The following SRRM3 variants were observed in gnomAD, a reference collection of about 807,000 sequenced individuals.
The protein encoded by SRRM3 is serine/arginine repetitive matrix protein 3.
SRRM3 carries 27 observed loss-of-function variants against 66.2 expected under a neutral mutation model. The observed-to-expected ratio is 0.41, with a 90% CI of 0.30 to 0.56. The LOEUF (loss-of-function observed/expected upper bound fraction) is 0.56, where lower values mean the gene tolerates loss of function less well. SRRM3 is among the 20% of genes least tolerant of loss of function. The pLI, the probability that SRRM3 is intolerant of heterozygous loss-of-function variation, is 0.32. For synonymous variants in SRRM3, 391 were observed against 414.9 expected (o/e 0.94, Z 0.70); for missense variants, 918 against 991.9 (o/e 0.93, Z 1.00).
In SRRM3 at chr7:76,264,821, C is replaced by T. The variant is rs1554609256; in HGVS notation, c.725+6C>T. The T allele has an allele frequency of 3.7e-6, 6 of 1,613,326 alleles. No individual in the cohort carries two copies. The highest frequency in any genetic ancestry group is 2.2e-5 in the East Asian group (1 of 44,892). ...AAGAACAAAGAGAAGAAGAGGTAAG[C>T]GCCCTCCCTACTCTCCAGCCCCCCA... On this transcript the variant is annotated splice_donor_region_variant and intron_variant, in intron 9 of 14. Coordinates refer to ENST00000611745, the MANE Select transcript of SRRM3 (RefSeq NM_001110199.3).
At chr7:76,256,293 G>A (rs1801709345) in intron 3 of SRRM3, among the ~76,000 whole-genome samples, 1 of 152,150 alleles carries the variant, frequency 6.6e-6, no homozygotes. Context: ...GATCACCTGA[G>A]GTCAGGAGTT....
At chr7:76,247,931 G>A (rs2117026184) in intron 2 of SRRM3, among the ~76,000 whole-genome samples, 1 of 152,320 alleles carries the variant, frequency 6.6e-6, no homozygotes, top group African/African-American at 2.4e-5. Flanking sequence ...CTGAGCTCAG[G>A]TGATCTGCCT....
intron 1 of SRRM3, among the ~76,000 whole-genome samples, chr7:76,205,982 G>T (rs1436454989): frequency 1.3e-5 from 2 of 151,572 alleles, no homozygotes; most frequent in African/African-American, 2.4e-5. Context: ...GGGCCTTCGT[G>T]GGTGGGGGGT....
intron 1 of SRRM3, among the ~76,000 whole-genome samples, chr7:76,212,670 T>C (rs927963325): frequency 1.3e-5 from 2 of 151,758 alleles, no homozygotes; most frequent in Non-Finnish European, 2.9e-5. Flanking sequence ...GGTTTTGCCA[T>C]GTTGGCCAGG....
intron 1 of SRRM3, among the ~76,000 whole-genome samples, chr7:76,206,192 G>C (rs1434118549): frequency 6.6e-6 from 1 of 152,182 alleles, no homozygotes; most frequent in Non-Finnish European, 1.5e-5. Flanking sequence ...ATTTCTTTTA[G>C]AGATGGGGTC....
intron 3 of SRRM3, among the ~76,000 whole-genome samples, chr7:76,251,400 A>C (rs757249889): frequency 5.6e-4 from 82 of 145,688 alleles, no homozygotes; most frequent in Non-Finnish European, 8.5e-4. Context: ...TTTGAGACGG[A>C]GTCTCGCTCT....
At chr7:76,233,006 G>A (rs1239886387) in intron 1 of SRRM3, among the ~76,000 whole-genome samples, 2 of 151,958 alleles carry the variant, frequency 1.3e-5, no homozygotes, top group Non-Finnish European at 2.9e-5. Context: ...GAGCGATGTT[G>A]AGAAGAAGGG....
Position 76,285,836 on chromosome 7 carries a change from G to C in SRRM3, c.1955G>C (p.Gly652Ala). 1 of 1,549,140 alleles carries C rather than the reference G, an allele frequency of 6.5e-7. No individual in the cohort carries two copies. The highest frequency in any genetic ancestry group is 8.7e-7 in the Non-Finnish European group (1 of 1,146,060). Residue 652 changes from glycine (G) to alanine (A), a missense_variant, in exon 15 of 15, where the codon GGC becomes GCC. Gly to Ala is a moderately conservative substitution (Grantham distance 60, BLOSUM62 0). Coordinates refer to ENST00000611745, the MANE Select transcript of SRRM3 (RefSeq NM_001110199.3). The surrounding 1 kb of genome is among the most constrained non-coding windows in gnomAD (Gnocchi z 4.1). ...AGCCGGAGCAGCTCTGAGAGCGGGG[G>C]CTTCTGAGCCCAGACAGACTCAGCT... The part of the protein sequence containing the change: ...YHSRSSSESG[G>A]F
chr7:76,235,311 G>T lies in SRRM3; in HGVS notation c.233+12G>T. ...ATGGAGGAGCAGGGGTGAGCAGGCC[G>T]CGGGGCGGGACTGGGGTGGGGAGAT... On this transcript the variant is annotated intron_variant, in intron 2 of 14. Coordinates refer to ENST00000611745, the MANE Select transcript of SRRM3 (RefSeq NM_001110199.3). The T allele has an allele frequency of 6.7e-7, 1 of 1,493,440 alleles. No homozygotes were observed. Among genetic ancestry groups the T allele is most frequent in the South Asian group, 1.3e-5 (1 of 79,012 alleles). 92.5% of individuals were successfully genotyped at this position (1,493,440 alleles called of 1,614,324 possible).
chr7:76,215,268 G>A (rs1800530358), intron 1 of SRRM3, among the ~76,000 whole-genome samples: 2 of 151,632 alleles, frequency 1.3e-5, no homozygotes, highest in Non-Finnish European at 1.5e-5. Flanking sequence ...TACGTTTTGG[G>A]AAGAGAGAAA....
rs887714335 is a variant in SRRM3 at position 76,211,689 on chromosome 7, G to C, written c.-40+9622G>C. Among the ~76,000 whole-genome samples, 3 of 151,994 alleles carry C rather than the reference G, an allele frequency of 2.0e-5. No homozygotes were observed. In the East Asian group the frequency reaches 5.8e-4, roughly 29 times the overall value. Reference sequence around the variant, plus strand: ...AGAACCGCTGCAGCCATGGTCCCTAGGTGCAGAGGTACCTGCCCCAGTATT... The same window carrying C: ...AGAACCGCTGCAGCCATGGTCCCTACGTGCAGAGGTACCTGCCCCAGTATT... On this transcript the variant is annotated intron_variant, in intron 1 of 14. Coordinates refer to ENST00000611745, the MANE Select transcript of SRRM3 (RefSeq NM_001110199.3).
At chr7:76,258,606 C>A (rs1246784994) in intron 3 of SRRM3, among the ~76,000 whole-genome samples, 1 of 150,158 alleles carries the variant, frequency 6.7e-6, no homozygotes, top group Non-Finnish European at 1.5e-5. Flanking sequence ...CCCAGCTACT[C>A]GGGAGGCTGA....
chr7:76,225,726 T>C (rs1800848803), intron 1 of SRRM3, among the ~76,000 whole-genome samples: 1 of 152,100 alleles, frequency 6.6e-6, no homozygotes, highest in Non-Finnish European at 1.5e-5. Context: ...ACAATAATAA[T>C]AATAATAATT....
At chr7:76,283,966 C>T (rs949719991) in intron 14 of SRRM3, among the ~76,000 whole-genome samples, 2 of 152,172 alleles carry the variant, frequency 1.3e-5, no homozygotes, top group Non-Finnish European at 2.9e-5. Flanking sequence ...CTTGGGAGAT[C>T]GGTGTGCCTC....
At chr7:76,270,089 A>C (rs990476310) in intron 11 of SRRM3, 2 of 152,150 alleles carry the variant, frequency 1.3e-5, no homozygotes, top group Non-Finnish European at 2.9e-5. Flanking sequence ...ATTTTAAATT[A>C]ACTATAGTGG....
chr7:76,216,345 C>T (rs1479074249), intron 1 of SRRM3, among the ~76,000 whole-genome samples: 1 of 152,098 alleles, frequency 6.6e-6, no homozygotes, highest in Admixed American at 6.6e-5. Context: ...CCGTGCCTGC[C>T]CCCAGGCTGG....
Position 76,235,290 on chromosome 7 carries a change from A to T in SRRM3, c.224A>T (p.Glu75Val), listed in dbSNP as rs1554604728. Residue 75 changes from glutamate (E) to valine (V), a missense_variant, in exon 2 of 15, where the codon GAG becomes GTG. Physicochemically the swap from Glu to Val is moderately radical, Grantham distance 121. Coordinates refer to ENST00000611745, the MANE Select transcript of SRRM3 (RefSeq NM_001110199.3). Reference protein sequence around the residue: ...LKCMELQEMMEEQGYSEEEIR... With the variant: ...LKCMELQEMMVEQGYSEEEIR... Reference sequence around the variant, plus strand: ...TGCATGGAGCTGCAGGAGATGATGGAGGAGCAGGGGTGAGCAGGCCGCGGG... The same window carrying T: ...TGCATGGAGCTGCAGGAGATGATGGTGGAGCAGGGGTGAGCAGGCCGCGGG... 22 of 1,512,838 alleles carry T rather than the reference A, an allele frequency of 1.5e-5. No individual in the cohort carries two copies. Among genetic ancestry groups the T allele is most frequent in the Non-Finnish European group, 1.9e-5 (22 of 1,134,502 alleles). The allele number at this position is 1,512,838 out of a possible 1,614,324, so 93.7% of individuals were successfully genotyped here. A position where few individuals can be genotyped will look rare whatever the true frequency, so the allele number is the denominator to read the frequency against.
intron 1 of SRRM3, among the ~76,000 whole-genome samples, chr7:76,204,189 G>T (rs1432099501): frequency 6.6e-6 from 1 of 152,092 alleles, no homozygotes; most frequent in Non-Finnish European, 1.5e-5. Context: ...CGCTGCTGGG[G>T]TCAGCCTCCC....
intron 1 of SRRM3, among the ~76,000 whole-genome samples, chr7:76,220,387 T>C (rs1209197527): frequency 1.3e-5 from 2 of 152,124 alleles, no homozygotes; most frequent in Non-Finnish European, 2.9e-5. Context: ...CTTCCAGGCA[T>C]GAGGAACAGC....
Sources: allele counts gnomAD v4.1 joint callset (sites outside exome capture counted in the v4.1 genomes callset), GRCh38; gene constraint gnomAD v4.1.1; non-coding constraint Gnocchi (gnomAD v3.1); transcripts MANE v1.5; gene names NCBI Gene and HGNC (gene_info 2026-07-23, HGNC 2026-07-21).